The following NMNAT1 variants were observed in gnomAD, a reference collection of about 807,000 sequenced individuals.
NMNAT1 encodes the protein nicotinamide/nicotinic acid mononucleotide adenylyltransferase 1.
Under a neutral mutation model 16.7 loss-of-function variants are expected in NMNAT1, and 11 were observed. The ratio of observed to expected loss-of-function variants is 0.66; its 90% CI spans 0.41 to 1.09. The LOEUF (loss-of-function observed/expected upper bound fraction) is 1.09, where lower values mean the gene tolerates loss of function less well. Among genes scored for constraint, NMNAT1 ranks in the 50% least tolerant of loss-of-function variants. The pLI, the probability that NMNAT1 is intolerant of heterozygous loss-of-function variation, is 0.00. For missense variants in NMNAT1, 280 were observed against 332.3 expected (o/e 0.84, Z 1.22); for synonymous variants, 110 against 119.8 (o/e 0.92, Z 0.53).
chr1:9,975,156 A>G (rs1641777326), intron 2 of NMNAT1, among the ~76,000 whole-genome samples: 1 of 152,188 alleles, frequency 6.6e-6, no homozygotes, highest in Non-Finnish European at 1.5e-5. Flanking sequence ...TCAGTCAGTT[A>G]ATTGATCAGC....
At position 9,953,797 on chromosome 1, in the gene NMNAT1, CTTTTTTTTTTTTTTT is replaced by C. The variant is rs34585788; in HGVS notation, c.-57+10294_-57+10308del. On this transcript the variant is annotated intron_variant, in intron 1 of 4. Coordinates refer to ENST00000377205, the MANE Select transcript of NMNAT1 (RefSeq NM_022787.4). The stretch of plus-strand genomic sequence containing the variant: ...GTTTTTGCTGAAATCATATATCACT[CTTTTTTTTTTTTTTT>C]TTTTTTTTTTTGAGACAGAGTCTTG... Among the ~76,000 whole-genome samples the C allele has an allele frequency of 1.3e-3, 79 of 60,150 alleles. 1 individual carries two copies. The highest frequency in any genetic ancestry group is 3.8e-3 in the African/African-American group (74 of 19,320). The allele number at this position is 60,150 out of a possible 152,430, so 39.5% of individuals were successfully genotyped here.
At chr1:9,967,378 T>C (rs1206879921) in intron 1 of NMNAT1, 1 of 154,080 alleles carries the variant, frequency 6.5e-6, no homozygotes, top group East Asian at 1.9e-4. Context: ...CGAATCCTAC[T>C]GGAGCATATT....
intron 1 of NMNAT1, among the ~76,000 whole-genome samples, chr1:9,946,800 A>T (rs1640991379): frequency 1.3e-5 from 2 of 152,064 alleles, no homozygotes; most frequent in South Asian, 4.1e-4. Flanking sequence ...CCTTACCCTT[A>T]CATACTGAAG....
intron 3 of NMNAT1, among the ~76,000 whole-genome samples, chr1:9,977,413 TGA>T (rs1407013738): frequency 9.2e-5 from 14 of 152,078 alleles, no homozygotes; most frequent in Non-Finnish European, 1.2e-4. Flanking sequence ...GAGTTTAAAA[TGA>T]AAGGGCTTTC....
At chr1:9,980,245 AT>A (rs1043278917) in intron 3 of NMNAT1, among the ~76,000 whole-genome samples, 2 of 151,714 alleles carry the variant, frequency 1.3e-5, no homozygotes, top group South Asian at 2.1e-4. Context: ...AAGATTTTTA[AT>A]TTTTTTTAGT....
chr1:9,946,139 G>C (rs1228618371), intron 1 of NMNAT1, among the ~76,000 whole-genome samples: 1 of 152,128 alleles, frequency 6.6e-6, no homozygotes. Flanking sequence ...AGCAGTGGAG[G>C]TATTTGCCTT....
chr1:9,975,686 A>G lies in NMNAT1; in HGVS notation c.210A>G (p.Ala70=). Residue 70 remains alanine, a synonymous_variant, in exon 3 of 5, where the codon GCA becomes GCG. Transcript: ENST00000377205. ...LIPAYHRVIM[A]ELATKNSKWV... The stretch of plus-strand genomic sequence containing the variant: ...CTGCCTATCACCGGGTCATCATGGC[A>G]GAACTTGCTACCAAGAATTCTAAAT... The G allele has an allele frequency of 6.2e-7, 1 of 1,614,154 alleles. No individual in the cohort carries two copies. The highest frequency in any genetic ancestry group is 2.2e-5 in the East Asian group (1 of 44,884).
At chr1:9,951,324 T>C (rs1409254281) in intron 1 of NMNAT1, 4 of 152,192 alleles carry the variant, frequency 2.6e-5, no homozygotes, top group African/African-American at 9.6e-5. Context: ...AAAGGTGCTA[T>C]GAGGAATACT....
chr1:9,963,814 T>C (rs556809881), intron 1 of NMNAT1, among the ~76,000 whole-genome samples: 1 of 152,280 alleles, frequency 6.6e-6, no homozygotes, highest in East Asian at 1.9e-4. Flanking sequence ...TAGATTATCA[T>C]TTGGAACATG....
chr1:9,969,638 C>T (rs1228781964), intron 1 of NMNAT1, among the ~76,000 whole-genome samples: 2 of 152,086 alleles, frequency 1.3e-5, no homozygotes, highest in Admixed American at 6.6e-5. Context: ...GTAGTCCCAG[C>T]TACTTGGGAG....
intron 1 of NMNAT1, chr1:9,949,886 T>G (rs1641068824): frequency 2.0e-5 from 3 of 152,178 alleles, no homozygotes; most frequent in South Asian, 2.1e-4. Context: ...TCAGCACTTA[T>G]TTCTATAGCA....
chr1:9,953,760 A>T (rs1180707333), intron 1 of NMNAT1, among the ~76,000 whole-genome samples: 2 of 144,356 alleles, frequency 1.4e-5, no homozygotes, highest in African/African-American at 2.6e-5. Context: ...CATTTTAAAA[A>T]ATTCGGACAT....
intron 1 of NMNAT1, among the ~76,000 whole-genome samples, chr1:9,965,162 C>T (rs1434310496): frequency 6.6e-6 from 1 of 150,454 alleles, no homozygotes; most frequent in African/African-American, 2.4e-5. Flanking sequence ...ACTAAAAATA[C>T]AAAAATTAGC....
intron 1 of NMNAT1, among the ~76,000 whole-genome samples, chr1:9,956,670 AC>A (rs541247290): frequency 3.2e-4 from 47 of 148,642 alleles, no homozygotes; most frequent in African/African-American, 1.1e-3. Context: ...TGATCCGCCC[AC>A]CTTGGCCTCC....
At chr1:9,953,430 C>T (rs1641167268) in intron 1 of NMNAT1, among the ~76,000 whole-genome samples, 1 of 145,426 alleles carries the variant, frequency 6.9e-6, no homozygotes, top group South Asian at 2.2e-4. Context: ...GCCTGCACCA[C>T]CACACCCAGC....
intron 1 of NMNAT1, among the ~76,000 whole-genome samples, chr1:9,957,445 C>A (rs191002058): frequency 6.6e-6 from 1 of 151,722 alleles, no homozygotes; most frequent in African/African-American, 2.4e-5. Flanking sequence ...CTGAGCCTCC[C>A]GAGTAGCTGG....
downstream of NMNAT1, among the ~76,000 whole-genome samples, chr1:9,989,924 G>C (rs886861746): frequency 6.6e-6 from 1 of 152,148 alleles, no homozygotes; most frequent in Non-Finnish European, 1.5e-5. Context: ...ACAAAGTTTT[G>C]CTCCTTCAGG....
At chr1:9,959,991 A>G (rs895026229) in intron 1 of NMNAT1, among the ~76,000 whole-genome samples, 34 of 152,214 alleles carry the variant, frequency 2.2e-4, no homozygotes, top group African/African-American at 7.7e-4. Context: ...TAGAGGTGTA[A>G]ATCCTGAGAG....
the NMNAT1 span, among the ~76,000 whole-genome samples, chr1:9,994,579 C>T: frequency 3.3e-5 from 5 of 150,960 alleles, no homozygotes; most frequent in Non-Finnish European, 7.4e-5. Flanking sequence ...TACAGGTGCC[C>T]GCCACCATGC....
Sources: gnomAD v4.1 joint callset for allele counts (sites outside exome capture counted in the v4.1 genomes callset) on GRCh38, gnomAD v4.1.1 for gene constraint, MANE v1.5 for transcripts, NCBI Gene and HGNC (gene_info 2026-07-23, HGNC 2026-07-21) for gene names.